The following CLSTN1 variants were observed in gnomAD, a reference collection of about 807,000 sequenced individuals.
CLSTN1 encodes calsyntenin 1.
In CLSTN1, 28 loss-of-function variants were observed where a neutral mutation model predicts 108.3. That is an observed-to-expected ratio of 0.26 (90% CI 0.19 to 0.35). The LOEUF (loss-of-function observed/expected upper bound fraction) is 0.35. CLSTN1 is among the 10% of genes least tolerant of loss of function. The pLI is 1.00. For synonymous variants in CLSTN1, 524 were observed against 534.9 expected (o/e 0.98, Z 0.28); for missense variants, 1,157 against 1,302.6 (o/e 0.89, Z 1.72).
intron 9 of CLSTN1, among the ~76,000 whole-genome samples, chr1:9,742,366 A>C (rs2101091689): frequency 6.6e-6 from 1 of 152,302 alleles, no homozygotes; most frequent in Non-Finnish European, 1.5e-5. Flanking sequence ...AAAAATTTTC[A>C]GCAGTGAATA....
Position 9,781,204 on chromosome 1 carries a change from T to C in CLSTN1, c.92-7810A>G, listed in dbSNP as rs543397052. 60 of 785,960 alleles carry C rather than the reference T, an allele frequency of 7.6e-5. No individual in the cohort carries two copies. The East Asian group carries it at 1.5e-3, about 19-fold the overall frequency. 48.7% of individuals were successfully genotyped at this position (785,960 alleles called of 1,614,324 possible). On this transcript the variant is annotated intron_variant, in intron 1 of 18. Coordinates refer to ENST00000377298, the MANE Select transcript of CLSTN1 (RefSeq NM_001009566.3). ...TTATTAAGGAGCTTCGCAAGGCTAC[T>C]GAAGCACTAAAGGCTGCTGAAAATA...
At chr1:9,741,329 G>A in intron 9 of CLSTN1, 73 bp from the exon 10 acceptor site, 1 of 1,434,044 alleles carries the variant, frequency 7.0e-7, no homozygotes, top group South Asian at 1.3e-5. Flanking sequence ...TGGAAACCAA[G>A]TCACCCAACA....
chr1:9,775,317 T>C (rs1265425717), intron 1 of CLSTN1, among the ~76,000 whole-genome samples: 1 of 151,704 alleles, frequency 6.6e-6, no homozygotes, highest in Admixed American at 6.6e-5. Context: ...TCCTCGTTCG[T>C]AAACCAGGGA....
In CLSTN1 at chr1:9,778,672, G is replaced by A. The variant is rs185757873; in HGVS notation, c.92-5278C>T. 1.7e-3 allele frequency among the ~76,000 whole-genome samples: 254 copies of A among 152,114 alleles called. 1 individual carries two copies. The highest frequency in any genetic ancestry group is 5.9e-3 in the African/African-American group (243 of 41,502). On this transcript the variant is annotated intron_variant, in intron 1 of 18. Transcript: ENST00000377298. ...AAAAATAAAAGTGTCTTTGAAATCC[G>A]TCTTCTCCCCCCGTCCATAGGCTGC...
chr1:9,762,653 T>C (rs1652137847), intron 2 of CLSTN1, among the ~76,000 whole-genome samples: 5 of 132,502 alleles, frequency 3.8e-5, no homozygotes, highest in African/African-American at 1.3e-4. Flanking sequence ...TCCCTGACGT[T>C]GGGTGACCTC....
At chr1:9,756,391 G>T in intron 3 of CLSTN1, 90 bp downstream of exon 3, 2 of 989,326 alleles carry the variant, frequency 2.0e-6, no homozygotes, top group Non-Finnish European at 3.2e-6. Context: ...GAGCATGACA[G>T]TTTCTCCTGT....
At chr1:9,806,684 C>A (rs1398072421) in intron 1 of CLSTN1, among the ~76,000 whole-genome samples, 1 of 152,080 alleles carries the variant, frequency 6.6e-6, no homozygotes, top group Non-Finnish European at 1.5e-5. Context: ...TTGAGACCAT[C>A]CTGGCTAACA....
In CLSTN1 at chr1:9,760,489, G is replaced by C. The variant is rs146337550; in HGVS notation, c.215-3979C>G. 8.5e-5 allele frequency among the ~76,000 whole-genome samples: 13 copies of C among 152,070 alleles called. No homozygotes were observed. The East Asian group carries it at 2.5e-3, about 29-fold the overall frequency. ...CTACTTTTAATAAGGAAGACGGATCGGACTGGAGCAAGACAGGGGCTACCA... is the reference window on the plus strand; with the variant it reads ...CTACTTTTAATAAGGAAGACGGATCCGACTGGAGCAAGACAGGGGCTACCA... On this transcript the variant is annotated intron_variant, in intron 2 of 18. Transcript: ENST00000377298.
chr1:9,798,131 G>A (rs1388676641), intron 1 of CLSTN1, among the ~76,000 whole-genome samples: 6 of 121,352 alleles, frequency 4.9e-5, no homozygotes, highest in East Asian at 2.9e-4. Context: ...GGAGAGAGGG[G>A]AAGAGGGGAA....
chr1:9,803,976 A>G lies in CLSTN1; in HGVS notation c.91+19667T>C, dbSNP rs77212347. On this transcript the variant is annotated intron_variant, in intron 1 of 18. Coordinates refer to ENST00000377298, the MANE Select transcript of CLSTN1 (RefSeq NM_001009566.3). Reference sequence around the variant, plus strand: ...TTCTAGACCTCAGGAAAATATTAATATGGTGAAAGGATACACTACCAAAGA... The same window carrying G: ...TTCTAGACCTCAGGAAAATATTAATGTGGTGAAAGGATACACTACCAAAGA... Among the ~76,000 whole-genome samples the G allele has an allele frequency of 7.9e-3, 1,204 of 152,308 alleles. 20 individuals carry two copies. Among genetic ancestry groups the G allele is most frequent in the African/African-American group, 0.025 (1,041 of 41,572 alleles).
At chr1:9,786,994 T>C (rs1653525704) in intron 1 of CLSTN1, among the ~76,000 whole-genome samples, 1 of 151,092 alleles carries the variant, frequency 6.6e-6, no homozygotes, top group Non-Finnish European at 1.5e-5. Flanking sequence ...AGCCTCAGGG[T>C]AGGATGCCAG....
In CLSTN1 at chr1:9,749,600, G is replaced by A. The variant is rs148711739; in HGVS notation, c.846C>T (p.Ala282=). 4.7e-5 allele frequency: 76 copies of A among 1,614,200 alleles called. No homozygotes were observed. The highest frequency in any genetic ancestry group is 3.3e-4 in the Middle Eastern group (2 of 6,060). ...IEYEPGTGAL[A]VFPNIHLETC... ...TCTCCAGGTGGATATTTGGAAAGAC[G>A]GCCAACGCGCCGGTGCCCGGCTCAT... The change falls in exon 7 of 19, where the codon GCC becomes GCT. Residue 282 remains alanine, a synonymous_variant. Transcript: ENST00000377298.
Position 9,743,777 on chromosome 1 carries a change from C to T in CLSTN1, c.1356+107G>A, listed in dbSNP as rs140143188. Reference sequence around the variant, plus strand: ...TTAGTAATGTTGCCCAGGCTGGTCTCGAACCCCTGGGCTCAAGCAATCCTC... The same window carrying T: ...TTAGTAATGTTGCCCAGGCTGGTCTTGAACCCCTGGGCTCAAGCAATCCTC... On this transcript the variant is annotated intron_variant, in intron 9 of 18. Coordinates refer to ENST00000377298, the MANE Select transcript of CLSTN1 (RefSeq NM_001009566.3). The T allele has an allele frequency of 2.5e-4, 335 of 1,319,108 alleles. 1 individual carries two copies. In the African/African-American group the frequency reaches 3.5e-3, roughly 14 times the overall value. 81.7% of individuals were successfully genotyped at this position (1,319,108 alleles called of 1,614,324 possible).
upstream of CLSTN1, chr1:9,824,114 G>A (rs1655315456): frequency 6.9e-6 from 1 of 145,842 alleles, no homozygotes; most frequent in African/African-American, 2.5e-5. The surrounding 1 kb of genome is among the most constrained non-coding windows in gnomAD (Gnocchi z 5.0). Context: ...GAGAGGAGCG[G>A]AGGGAGCGCG....
chr1:9,785,654 G>GC (rs1421299597), intron 1 of CLSTN1, among the ~76,000 whole-genome samples: 1 of 152,000 alleles, frequency 6.6e-6, no homozygotes, highest in Non-Finnish European at 1.5e-5. Flanking sequence ...TCCCCTGGGG[G>GC]CAATCCTCCT....
At chr1:9,740,805 G>A (rs1424519057) in intron 10 of CLSTN1, among the ~76,000 whole-genome samples, 1 of 152,124 alleles carries the variant, frequency 6.6e-6, no homozygotes, top group Admixed American at 6.6e-5. Context: ...TTATAAAACA[G>A]TTCCCCCCAC....
intron 2 of CLSTN1, among the ~76,000 whole-genome samples, chr1:9,766,712 T>G (rs561903428): frequency 6.6e-6 from 1 of 152,202 alleles, no homozygotes; most frequent in South Asian, 2.1e-4. Flanking sequence ...GACCCATGAC[T>G]ACTCAGGCTT....
chr1:9,734,876 C>T lies in CLSTN1; in HGVS notation c.2110+72G>A. 3 of 1,279,264 alleles carry T rather than the reference C, an allele frequency of 2.3e-6. No homozygotes were observed. Among genetic ancestry groups the T allele is most frequent in the Non-Finnish European group, 3.4e-6 (3 of 882,930 alleles). 79.2% of individuals were successfully genotyped at this position (1,279,264 alleles called of 1,614,324 possible). On this transcript the variant is annotated intron_variant, in intron 14 of 18. Coordinates refer to ENST00000377298, the MANE Select transcript of CLSTN1 (RefSeq NM_001009566.3). This position sits in a 1 kb window ranked among gnomAD's most constrained non-coding sequence, Gnocchi z 4.8. ...CCCAAATCCCACAGAGACAAAGAGC[C>T]CCGCCAAGTACATGGGGACAATGGG...
chr1:9,814,899 CAA>C (rs35955812), intron 1 of CLSTN1, among the ~76,000 whole-genome samples: 193 of 146,520 alleles, frequency 1.3e-3, no homozygotes, highest in Non-Finnish European at 1.3e-3. Context: ...GATCCTGTCT[CAA>C]AAAAAAAAAA....
Sources: allele counts gnomAD v4.1 joint callset (sites outside exome capture counted in the v4.1 genomes callset), GRCh38; gene constraint gnomAD v4.1.1; non-coding constraint Gnocchi (gnomAD v3.1); transcripts MANE v1.5; gene names NCBI Gene and HGNC (gene_info 2026-07-23, HGNC 2026-07-21).